Variants in SLC30A3 observed in about 807,000 individuals in gnomAD.
SLC30A3 encodes probable proton-coupled zinc antiporter SLC30A3.
SLC30A3 carries 20 observed loss-of-function variants against 35.6 expected under a neutral mutation model. That is an observed-to-expected ratio of 0.56 (90% CI 0.39 to 0.82). The LOEUF is 0.82. Among genes scored for constraint, SLC30A3 ranks in the 40% least tolerant of loss-of-function variants. SLC30A3 has a pLI of 0.00. For synonymous variants in SLC30A3, 217 were observed against 224.7 expected, an observed-to-expected ratio of 0.97 and a Z score of 0.31; for missense variants, 401 against 530.6, an observed-to-expected ratio of 0.76 and a Z score of 2.40.
At chr2:27,270,881 G>A (rs1558568768) in intron 1 of SLC30A3, among the ~76,000 whole-genome samples, 1 of 152,190 alleles carries the variant, frequency 6.6e-6, no homozygotes, top group South Asian at 2.1e-4. Flanking sequence ...TGGGGGAGGG[G>A]AAAGAGGAAC....
chr2:27,254,918 A>G lies in SLC30A3; in HGVS notation c.*394T>C. The G allele has an allele frequency of 2.0e-6, 1 of 500,302 alleles. No homozygotes were observed. The highest frequency in any genetic ancestry group is 2.0e-5 in the South Asian group (1 of 48,786). 31.0% of individuals were successfully genotyped at this position (500,302 alleles called of 1,614,324 possible). The stretch of plus-strand genomic sequence containing the variant: ...ACTGACCTCCCCCAGGCATAGGCAC[A>G]CCAACAGCACATAGACAGGCAGATG... On this transcript the variant is annotated 3_prime_UTR_variant, in exon 8 of 8. Coordinates refer to ENST00000233535, the MANE Select transcript of SLC30A3 (RefSeq NM_003459.5).
upstream of SLC30A3, chr2:27,263,064 G>A: frequency 3.7e-6 from 5 of 1,360,154 alleles, no homozygotes; most frequent in Non-Finnish European, 4.7e-6. Context: ...CGCGGAGTCC[G>A]AACTGCAGAT....
chr2:27,261,417 A>C (rs1171167052), intron 1 of SLC30A3, among the ~76,000 whole-genome samples: 3 of 152,112 alleles, frequency 2.0e-5, no homozygotes, highest in East Asian at 3.9e-4. Context: ...TGGTCATATG[A>C]GTGAAGATGG....
chr2:27,257,518 G>A lies in SLC30A3; in HGVS notation c.579-166C>T, dbSNP rs1022990578. The A allele has an allele frequency of 4.4e-6, 3 of 689,482 alleles. No individual in the cohort carries two copies. In the African/African-American group the frequency reaches 5.4e-5, roughly 13 times the overall value. 42.7% of individuals were successfully genotyped at this position (689,482 alleles called of 1,614,324 possible). A position where few individuals can be genotyped will look rare whatever the true frequency, so the allele number is the denominator to read the frequency against. On this transcript the variant is annotated intron_variant, in intron 4 of 7. Transcript: ENST00000233535. The surrounding 1 kb of genome is among the most constrained non-coding windows in gnomAD (Gnocchi z 4.7). ...CCTGGGGGAAAGAATACCAGACTTG[G>A]TGCCACACATGTGGATTCGGAAGCT...
Position 27,262,684 on chromosome 2 carries a change from G to A in SLC30A3, c.95+128C>T. The A allele has an allele frequency of 2.3e-6, 2 of 882,660 alleles. No individual in the cohort carries two copies. The highest frequency in any genetic ancestry group is 2.6e-4 in the Middle Eastern group (1 of 3,804). The allele number at this position is 882,660 out of a possible 1,614,324, so 54.7% of individuals were successfully genotyped here. ...GTGGCCAGAGGGGATGAAGCGGGGT[G>A]CAGCGGAGCGAGGGACCCGCGGTGC... is the stretch of plus-strand genomic sequence containing the variant. On this transcript the variant is annotated intron_variant, in intron 1 of 7. Coordinates refer to ENST00000233535, the MANE Select transcript of SLC30A3 (RefSeq NM_003459.5). The surrounding 1 kb of genome is among the most constrained non-coding windows in gnomAD (Gnocchi z 7.5).
At position 27,258,063 on chromosome 2, in the gene SLC30A3, G is replaced by C; in HGVS notation, c.425-5C>G. On this transcript the variant is annotated splice_region_variant and splice_polypyrimidine_tract_variant and intron_variant, in intron 3 of 7. Transcript: ENST00000233535. This position sits in a 1 kb window ranked among gnomAD's most constrained non-coding sequence, Gnocchi z 4.0. Reference sequence around the variant, plus strand: ...AGGCCAAAGCCCCCAGAGTCTCTGCGGGTGGGGGGGGAGACAAGCTGTCAG... The same window carrying C: ...AGGCCAAAGCCCCCAGAGTCTCTGCCGGTGGGGGGGGAGACAAGCTGTCAG... 6.2e-7 allele frequency: 1 copy of C among 1,613,626 alleles called. No individual in the cohort carries two copies. The highest frequency in any genetic ancestry group is 8.5e-7 in the Non-Finnish European group (1 of 1,179,568).
chr2:27,262,913 G>A lies in SLC30A3; in HGVS notation c.-7C>T. The A allele has an allele frequency of 1.3e-6, 2 of 1,554,262 alleles. No individual in the cohort carries two copies. Among genetic ancestry groups the A allele is most frequent in the African/African-American group, 1.4e-5 (1 of 69,514 alleles). ...CGGCTGGAGAGGGCTCCATGTTCCCGGTGCCCCGACCGTCTAGGCCCCACC... is the reference window on the plus strand; with the variant it reads ...CGGCTGGAGAGGGCTCCATGTTCCCAGTGCCCCGACCGTCTAGGCCCCACC... On this transcript the variant is annotated 5_prime_UTR_variant, in exon 1 of 8. Transcript: ENST00000233535. This position sits in a 1 kb window ranked among gnomAD's most constrained non-coding sequence, Gnocchi z 7.5.
At chr2:27,267,690 T>G (rs986871550), upstream of SLC30A3, among the ~76,000 whole-genome samples, 1 of 151,910 alleles carries the variant, frequency 6.6e-6, no homozygotes, top group African/African-American at 2.4e-5. Flanking sequence ...ATCCCAGCAC[T>G]TTGGGAGGCC....
At chr2:27,260,831 T>C (rs995953816) in intron 1 of SLC30A3, among the ~76,000 whole-genome samples, 1 of 152,124 alleles carries the variant, frequency 6.6e-6, no homozygotes, top group East Asian at 1.9e-4. Context: ...TGGGCGTGTA[T>C]GATTCTGGAT....
At chr2:27,267,433 C>T (rs894310838), upstream of SLC30A3, among the ~76,000 whole-genome samples, 2 of 152,176 alleles carry the variant, frequency 1.3e-5, no homozygotes, top group African/African-American at 4.8e-5. Flanking sequence ...TCTCATTTCA[C>T]ACTTCTCCCA....
chr2:27,273,144 G>A (rs1243914078), intron 1 of SLC30A3, among the ~76,000 whole-genome samples: 2 of 151,518 alleles, frequency 1.3e-5, no homozygotes, highest in African/African-American at 4.9e-5. Flanking sequence ...GTTATGAGGT[G>A]AGGAGAGAGG....
intron 1 of SLC30A3, among the ~76,000 whole-genome samples, chr2:27,261,078 A>C (rs1450431832): frequency 6.6e-6 from 1 of 152,178 alleles, no homozygotes; most frequent in Non-Finnish European, 1.5e-5. Flanking sequence ...TTCACAGAGA[A>C]AGGTATGTTT....
chr2:27,275,548 T>G, upstream of SLC30A3: 1 of 313,872 alleles, frequency 3.2e-6, no homozygotes, highest in Non-Finnish European at 6.3e-6. Context: ...AGAGAACGAC[T>G]CCCAGGTAAA....
rs1162862489 is a variant in SLC30A3 at position 27,271,149 on chromosome 2, AT to A, written c.-159+4027del. ...TCCCTTCCAGCTCAAAAACTGTACA[AT>A]TTGAGAACCTGGTGGTTGAATGTGA... On this transcript the variant is annotated intron_variant, in intron 1 of 5. Transcript: ENST00000424577. This position sits in a 1 kb window ranked among gnomAD's most constrained non-coding sequence, Gnocchi z 4.3. 6.6e-6 allele frequency among the ~76,000 whole-genome samples: 1 copy of A among 152,160 alleles called. No homozygotes were observed. The highest frequency in any genetic ancestry group is 6.5e-5 in the Admixed American group (1 of 15,274).
At chr2:27,256,597 C>A in intron 6 of SLC30A3, 77 bp from the exon 7 acceptor site, 1 of 1,579,384 alleles carries the variant, frequency 6.3e-7, no homozygotes, top group Non-Finnish European at 8.7e-7. Flanking sequence ...CTGGATTCCA[C>A]CTCCCCTATC....
At chr2:27,256,643 C>T in intron 6 of SLC30A3, 123 bp from the exon 7 acceptor site, 1 of 1,395,444 alleles carries the variant, frequency 7.2e-7, no homozygotes, top group Non-Finnish European at 1.0e-6. Flanking sequence ...TACAATTCAC[C>T]CTATGCCCAA....
At position 27,257,851 on chromosome 2, in the gene SLC30A3, G is replaced by A. The variant is rs1008215264; in HGVS notation, c.578+54C>T. On this transcript the variant is annotated intron_variant, in intron 4 of 7. Transcript: ENST00000233535. The surrounding 1 kb of genome is among the most constrained non-coding windows in gnomAD (Gnocchi z 4.7). ...AGAGAGCCAGCTCTCCCATCCTGGA[G>A]GAAGACCCCTCGCCCTGGGCCCCAC... is the stretch of plus-strand genomic sequence containing the variant. The A allele has an allele frequency of 4.4e-4, 683 of 1,548,856 alleles. 2 individuals are homozygous for A. Among genetic ancestry groups the A allele is most frequent in the Non-Finnish European group, 5.6e-4 (633 of 1,138,482 alleles).
At chr2:27,275,057 T>A in intron 1 of SLC30A3, 2 of 519,382 alleles carry the variant, frequency 3.9e-6, no homozygotes, top group Non-Finnish European at 6.8e-6. Flanking sequence ...GAGTTGGGTC[T>A]TCCAGGTTGT....
exon 1 of SLC30A3, chr2:27,275,284 T>G: frequency 8.6e-7 from 1 of 1,167,514 alleles, no homozygotes; most frequent in Non-Finnish European, 1.2e-6. Context: ...TGGGAATCCC[T>G]GCCCCAAGGC....
Sources: gnomAD v4.1 joint callset for allele counts (sites outside exome capture counted in the v4.1 genomes callset) on GRCh38, gnomAD v4.1.1 for gene constraint, Gnocchi (gnomAD v3.1) non-coding constraint, MANE v1.5 for transcripts, NCBI Gene and HGNC (gene_info 2026-07-23, HGNC 2026-07-21) for gene names.